ATP10A: variants seen among roughly 807,000 people sequenced by gnomAD.
ATP10A encodes phospholipid-transporting ATPase VA.
Under a neutral mutation model 147.8 loss-of-function variants are expected in ATP10A, and 111 were observed. The observed-to-expected ratio is 0.75, with a 90% confidence interval of 0.64 to 0.88. ATP10A has a LOEUF of 0.88. ATP10A is among the 40% of genes least tolerant of loss of function. The probability of loss-of-function intolerance (pLI) is 0.00; values close to 1 mark genes in which losing one functional copy is unlikely to be tolerated. For missense variants in ATP10A, 1,927 were observed against 1,959.0 expected (o/e 0.98, Z 0.31); for synonymous variants, 875 against 841.6 (o/e 1.04, Z -0.69).
At position 25,711,909 on chromosome 15, in the gene ATP10A, G is replaced by A. The variant is rs529920133; in HGVS notation, c.2344+1765C>T. On this transcript the variant is annotated intron_variant, in intron 10 of 20. Transcript: ENST00000555815. ...GAGCATTGTGGATTGTCTTGTAACC[G>A]GCATCAGGTGCCTTCCCAACTTGCA... Among the ~76,000 whole-genome samples the A allele has an allele frequency of 1.3e-4, 20 of 152,264 alleles. No homozygotes were observed. The East Asian group carries it at 1.4e-3, about 10-fold the overall frequency.
chr15:25,833,455 C>A (rs1008593478), intron 1 of ATP10A, among the ~76,000 whole-genome samples: 29 of 152,156 alleles, frequency 1.9e-4, no homozygotes, highest in African/African-American at 7.0e-4. Flanking sequence ...CCATGAATTT[C>A]TTGTGATAAC....
At chr15:25,813,947 G>A (rs1891540843) in intron 1 of ATP10A, among the ~76,000 whole-genome samples, 1 of 151,680 alleles carries the variant, frequency 6.6e-6, no homozygotes. Context: ...TTTGGGGGGC[G>A]GTGGGAAACA....
At chr15:25,735,940 G>T (rs1887240552) in intron 3 of ATP10A, 116 bp downstream of exon 3, 1 of 956,800 alleles carries the variant, frequency 1.0e-6, no homozygotes, top group South Asian at 1.4e-5. Flanking sequence ...TTCCCAAACA[G>T]CTACACCATG....
At chr15:25,743,161 A>T (rs1291594968) in intron 2 of ATP10A, among the ~76,000 whole-genome samples, 2 of 152,218 alleles carry the variant, frequency 1.3e-5, no homozygotes, top group Non-Finnish European at 2.9e-5. Context: ...AGCCACATAG[A>T]GGAAGACCAT....
chr15:25,691,640 G>C (rs1475122666), intron 15 of ATP10A, 75 bp downstream of exon 15: 1 of 1,482,538 alleles, frequency 6.7e-7, no homozygotes, highest in African/African-American at 1.4e-5. Context: ...GGAAGTCGGG[G>C]ACAGCCCACA....
chr15:25,835,596 C>G (rs1458134471), intron 1 of ATP10A, among the ~76,000 whole-genome samples: 5 of 152,112 alleles, frequency 3.3e-5, no homozygotes, highest in African/African-American at 9.7e-5. Flanking sequence ...AAACTTCATC[C>G]TTGGGCACAG....
intron 1 of ATP10A, among the ~76,000 whole-genome samples, chr15:25,799,431 G>A (rs528410682): frequency 1.3e-5 from 2 of 152,204 alleles, no homozygotes; most frequent in Non-Finnish European, 2.9e-5. Flanking sequence ...AAACTCAGGG[G>A]TGGGCAGCCC....
intron 2 of ATP10A, among the ~76,000 whole-genome samples, chr15:25,750,177 AT>A (rs1411474945): frequency 6.6e-6 from 1 of 151,998 alleles, no homozygotes; most frequent in African/African-American, 2.4e-5. Context: ...AAAACTAGTA[AT>A]TAAAAAAAAA....
chr15:25,765,630 C>G (rs1252704097), intron 2 of ATP10A, among the ~76,000 whole-genome samples: 1 of 152,210 alleles, frequency 6.6e-6, no homozygotes, highest in African/African-American at 2.4e-5. Context: ...TCCCAGAGCT[C>G]GGGCTGGAAG....
Position 25,742,167 on chromosome 15 carries a change from G to A in ATP10A, c.655-6026C>T, listed in dbSNP as rs538144603. On this transcript the variant is annotated intron_variant, in intron 2 of 20. Coordinates refer to ENST00000555815, the MANE Select transcript of ATP10A (RefSeq NM_024490.4). ...CACAGCATGTGACGGAGAGTGCTGC[G>A]TCCCTGCCTGACGTGGTTCTCGTCT... Among the ~76,000 whole-genome samples, 16 of 148,426 alleles carry A rather than the reference G, an allele frequency of 1.1e-4. No individual in the cohort carries two copies. In the East Asian group the frequency reaches 2.4e-3, roughly 23 times the overall value.
At chr15:25,765,950 A>G (rs1888996700) in intron 2 of ATP10A, among the ~76,000 whole-genome samples, 1 of 152,184 alleles carries the variant, frequency 6.6e-6, no homozygotes, top group Non-Finnish European at 1.5e-5. Context: ...CATTTTGCAG[A>G]TGTATCAGTC....
At chr15:25,855,157 CA>C (rs1893460077) in intron 1 of ATP10A, among the ~76,000 whole-genome samples, 1 of 151,896 alleles carries the variant, frequency 6.6e-6, no homozygotes, top group Non-Finnish European at 1.5e-5. Flanking sequence ...TTTCTGATAT[CA>C]AAACCAGACA....
At chr15:25,847,564 T>G (rs1490608288) in intron 1 of ATP10A, among the ~76,000 whole-genome samples, 1 of 147,400 alleles carries the variant, frequency 6.8e-6, no homozygotes, top group Non-Finnish European at 1.5e-5. Context: ...ACTAAGCAAT[T>G]TGGAGCTATT....
intron 1 of ATP10A, among the ~76,000 whole-genome samples, chr15:25,847,723 TA>T (rs1315248412): frequency 6.9e-6 from 1 of 145,586 alleles, no homozygotes; most frequent in Non-Finnish European, 1.5e-5. Context: ...ACAGCACTCT[TA>T]ACCTTCTGTG....
chr15:25,688,046 T>C (rs1400820144), intron 15 of ATP10A: 1 of 597,856 alleles, frequency 1.7e-6, no homozygotes. Flanking sequence ...TTCAGGGATG[T>C]CACCTTATAA....
intron 2 of ATP10A, among the ~76,000 whole-genome samples, chr15:25,753,376 T>A (rs543260349): frequency 1.3e-5 from 2 of 152,318 alleles, no homozygotes; most frequent in African/African-American, 4.8e-5. Flanking sequence ...TTACTTAACA[T>A]AATGTTGTCT....
At chr15:25,860,067 A>G (rs1893689868) in intron 1 of ATP10A, among the ~76,000 whole-genome samples, 1 of 152,270 alleles carries the variant, frequency 6.6e-6, no homozygotes, top group South Asian at 2.1e-4. Context: ...CGCACTGCAC[A>G]GACCTTGGCC....
intron 1 of ATP10A, 47 bp downstream of exon 1, chr15:25,862,601 C>T: frequency 6.7e-7 from 1 of 1,485,076 alleles, no homozygotes. Context: ...CCCGGGGCGC[C>T]CTGCCCTGCG....
intron 2 of ATP10A, among the ~76,000 whole-genome samples, chr15:25,754,139 T>G (rs774230107): frequency 3.3e-5 from 5 of 152,052 alleles, no homozygotes; most frequent in South Asian, 4.2e-4. Context: ...TTTTTGGTTG[T>G]TTGTTTGTTT....
Sources: gnomAD v4.1 joint callset for allele counts (sites outside exome capture counted in the v4.1 genomes callset) on GRCh38, gnomAD v4.1.1 for gene constraint, MANE v1.5 for transcripts, NCBI Gene and HGNC (gene_info 2026-07-23, HGNC 2026-07-21) for gene names.